Variants in ZNF679 observed in about 807,000 individuals in gnomAD.
ZNF679 encodes the protein zinc finger protein 679.
In ZNF679, 10 loss-of-function variants were observed where a neutral mutation model predicts 13.4. That is an observed-to-expected ratio of 0.75 (90% CI 0.46 to 1.27). ZNF679 has a LOEUF of 1.27. Among genes scored for constraint, ZNF679 ranks in the 50% most tolerant of loss-of-function variants. ZNF679 has a pLI of 0.00. For missense variants in ZNF679, 525 were observed against 477.8 expected, an observed-to-expected ratio of 1.10 and a Z score of -0.92; for synonymous variants, 179 against 162.5, an observed-to-expected ratio of 1.10 and a Z score of -0.77.
chr7:64,248,053 C>T (rs1032760624), intron 1 of ZNF679, among the ~76,000 whole-genome samples: 1 of 151,904 alleles, frequency 6.6e-6, no homozygotes, highest in Non-Finnish European at 1.5e-5. Context: ...AATCATAATT[C>T]TACATGGCTG....
At chr7:64,254,188 G>A (rs893297344) in intron 2 of ZNF679, among the ~76,000 whole-genome samples, 2 of 151,338 alleles carry the variant, frequency 1.3e-5, no homozygotes, top group Admixed American at 6.6e-5. Flanking sequence ...GCAGTGGCGC[G>A]ATCTCAGCTC....
chr7:64,261,272 AT>A (rs74201193), intron 4 of ZNF679, among the ~76,000 whole-genome samples: 46,032 of 151,636 alleles, frequency 0.3, 8,161 homozygotes, highest in East Asian at 0.62. Flanking sequence ...ACCATTAAAA[AT>A]TTTTTTTTGC....
chr7:64,261,237 A>T (rs1788073539), intron 4 of ZNF679, among the ~76,000 whole-genome samples: 1 of 151,520 alleles, frequency 6.6e-6, no homozygotes. Flanking sequence ...TAATATCTGC[A>T]TATTTTTGAG....
At chr7:64,243,614 C>T (rs1173635108) in intron 1 of ZNF679, among the ~76,000 whole-genome samples, 3 of 152,112 alleles carry the variant, frequency 2.0e-5, no homozygotes, top group Admixed American at 6.5e-5. Context: ...AGAGTCATAT[C>T]GCCTAGGTGA....
intron 1 of ZNF679, among the ~76,000 whole-genome samples, chr7:64,235,787 C>CAAGAAAGAAAGAAAGAAAGA: frequency 7.0e-6 from 1 of 142,948 alleles, no homozygotes; most frequent in African/African-American, 2.6e-5. Context: ...GAAACCCCGT[C>CAAGAAAGAAAGAAAGAAAGA]AAGAAAGAAA....
intron 4 of ZNF679, among the ~76,000 whole-genome samples, chr7:64,264,068 T>C (rs1788111878): frequency 6.6e-6 from 1 of 152,132 alleles, no homozygotes; most frequent in Admixed American, 6.6e-5. Flanking sequence ...CTTATACATA[T>C]AGATAGACAT....
intron 4 of ZNF679, among the ~76,000 whole-genome samples, chr7:64,263,075 C>A (rs1250477084): frequency 6.6e-6 from 1 of 151,982 alleles, no homozygotes; most frequent in East Asian, 1.9e-4. Flanking sequence ...AAAAAATAGG[C>A]TGTATGATTT....
intron 2 of ZNF679, among the ~76,000 whole-genome samples, chr7:64,256,609 A>G (rs1788007852): frequency 6.7e-6 from 1 of 149,578 alleles, no homozygotes; most frequent in Non-Finnish European, 1.5e-5. Context: ...GAGTGTGTTT[A>G]TTTGAATTAT....
At chr7:64,263,932 T>C (rs1445705954) in intron 4 of ZNF679, among the ~76,000 whole-genome samples, 1 of 152,122 alleles carries the variant, frequency 6.6e-6, no homozygotes, top group Non-Finnish European at 1.5e-5. Context: ...AATTTTTTAT[T>C]TCAATTTTTT....
chr7:64,266,125 CTTCGGCAAAT>C lies in ZNF679; in HGVS notation c.495_504del (p.Gly166GlnfsTer36). 6.2e-7 allele frequency: 1 copy of C among 1,609,670 alleles called. No homozygotes were observed. The highest frequency in any genetic ancestry group is 1.7e-4 in the Middle Eastern group (1 of 6,056). On this transcript the variant is annotated frameshift_variant, in exon 5 of 5. Transcript: ENST00000421025. LOFTEE classifies it low-confidence loss of function (END_TRUNC). ...TTCAGACTCATAAATGTGTCAAAGT[CTTCGGCAAAT>C]TTTCAAATTCCAATAGACATAAGAC... is the stretch of plus-strand genomic sequence containing the variant.
Position 64,260,286 on chromosome 7 carries a change from C to T in ZNF679, c.105C>T (p.His35=), listed in dbSNP as rs751812461. 44 of 1,612,738 alleles carry T rather than the reference C, an allele frequency of 2.7e-5. No homozygotes were observed. Among genetic ancestry groups the T allele is most frequent in the Middle Eastern group, 3.3e-4 (2 of 6,066 alleles). Residue 35 remains histidine, a synonymous_variant, in exon 3 of 5, where the codon CAC becomes CAT. Transcript: ENST00000421025. ...TGGAGGAGTGGCAATGCCTGGATCA[C>T]GCTCAGCAGAATTTATATAGAGATG... is the stretch of plus-strand genomic sequence containing the variant. The part of the protein sequence containing the change: ...FSLEEWQCLD[H]AQQNLYRDVM...
intron 2 of ZNF679, among the ~76,000 whole-genome samples, chr7:64,254,230 T>C (rs1787975594): frequency 6.6e-6 from 1 of 151,946 alleles, no homozygotes; most frequent in Non-Finnish European, 1.5e-5. Context: ...GTTCAAACAA[T>C]ACTCCTGCCT....
chr7:64,260,380 T>A, intron 3 of ZNF679, 33 bp downstream of exon 3: 1 of 1,572,314 alleles, frequency 6.4e-7, no homozygotes. Context: ...ATTCCTAATA[T>A]ATTTCTTTTC....
intron 1 of ZNF679, among the ~76,000 whole-genome samples, chr7:64,247,239 T>C: frequency 6.6e-6 from 1 of 152,160 alleles, no homozygotes; most frequent in East Asian, 1.9e-4. Context: ...CTTGTGCCAA[T>C]CTCCTATTTA....
intron 1 of ZNF679, among the ~76,000 whole-genome samples, chr7:64,233,253 C>CA (rs71060564): frequency 0.21 from 26,199 of 125,990 alleles, 2,579 homozygotes; most frequent in Middle Eastern, 0.31. Flanking sequence ...AACAAATAAA[C>CA]AAAAAAAAAA....
chr7:64,259,041 A>G (rs552804241), intron 2 of ZNF679, among the ~76,000 whole-genome samples: 2 of 152,080 alleles, frequency 1.3e-5, no homozygotes, highest in South Asian at 4.2e-4. Flanking sequence ...CCTCTCTAGT[A>G]TCTGGGATTA....
At position 64,249,126 on chromosome 7, in the gene ZNF679, A is replaced by C; in HGVS notation, c.9A>C (p.Lys3Asn). The C allele has an allele frequency of 4.3e-6, 7 of 1,614,134 alleles. No individual in the cohort carries two copies. Among genetic ancestry groups the C allele is most frequent in the Non-Finnish European group, 5.9e-6 (7 of 1,180,016 alleles). Reference sequence around the variant, plus strand: ...CAGGTATCCGCAGATTTATGGCTAAAAGACCGGGATCCCCTGGAAGCCGAG... The same window carrying C: ...CAGGTATCCGCAGATTTATGGCTAACAGACCGGGATCCCCTGGAAGCCGAG... MA[K>N]RPGSPGSREM... The change falls in exon 2 of 5, where the codon AAA (lysine) becomes AAC (asparagine). Residue 3 changes from lysine to asparagine, a missense_variant. Coordinates refer to ENST00000421025, the MANE Select transcript of ZNF679 (RefSeq NM_153363.3).
chr7:64,249,636 T>C lies in ZNF679; in HGVS notation c.39+480T>C, dbSNP rs73132065. The stretch of plus-strand genomic sequence containing the variant: ...AGAGTGCCCAGCTATGGTTTGTGGG[T>C]TGTGGTCCATGGGAGAGACTTGAAG... On this transcript the variant is annotated intron_variant, in intron 2 of 4. Transcript: ENST00000421025. 9.6e-3 allele frequency among the ~76,000 whole-genome samples: 1,466 copies of C among 152,258 alleles called. 14 individuals are homozygous for C. The highest frequency in any genetic ancestry group is 0.017 in the Middle Eastern group (5 of 294).
chr7:64,264,942 G>A (rs1788124379), intron 4 of ZNF679, among the ~76,000 whole-genome samples: 1 of 150,416 alleles, frequency 6.6e-6, no homozygotes, highest in Non-Finnish European at 1.5e-5. Flanking sequence ...TGATTGTTTT[G>A]TTTTTATTAT....
Sources: gnomAD v4.1 joint callset for allele counts (sites outside exome capture counted in the v4.1 genomes callset) on GRCh38, gnomAD v4.1.1 for gene constraint, MANE v1.5 for transcripts, NCBI Gene and HGNC (gene_info 2026-07-23, HGNC 2026-07-21) for gene names.